The following CMTM4 variants were observed in gnomAD, a reference collection of about 807,000 sequenced individuals.
The protein encoded by CMTM4 is CKLF like MARVEL transmembrane domain containing 4.
In CMTM4, 8 loss-of-function variants were observed where a neutral mutation model predicts 19.0. The ratio of observed to expected loss-of-function variants is 0.42; its 90% CI spans 0.25 to 0.76. The LOEUF (loss-of-function observed/expected upper bound fraction) is 0.76. Among genes scored for constraint, CMTM4 ranks in the 30% least tolerant of loss-of-function variants. The pLI is 0.27. For synonymous variants in CMTM4, 106 were observed against 121.1 expected, an observed-to-expected ratio of 0.88 and a Z score of 0.82; for missense variants, 228 against 290.2, an observed-to-expected ratio of 0.79 and a Z score of 1.56.
chr16:66,603,615 G>T, the CMTM4 span, among the ~76,000 whole-genome samples: 2 of 152,230 alleles, frequency 1.3e-5, no homozygotes, highest in African/African-American at 4.8e-5. Flanking sequence ...AAAACATCTT[G>T]CCCTTGTTGG....
chr16:66,663,361 C>A (rs1256544172), intron 1 of CMTM4, among the ~76,000 whole-genome samples: 1 of 151,912 alleles, frequency 6.6e-6, no homozygotes, highest in Non-Finnish European at 1.5e-5. Context: ...CCAAGATTAG[C>A]CAGGCATGGT....
At chr16:66,685,852 C>G (rs1473516159) in intron 1 of CMTM4, among the ~76,000 whole-genome samples, 1 of 152,126 alleles carries the variant, frequency 6.6e-6, no homozygotes, top group African/African-American at 2.4e-5. Context: ...ACCACGTTAC[C>G]CAGGCTGGTC....
intron 1 of CMTM4, among the ~76,000 whole-genome samples, chr16:66,669,995 T>C (rs1034258190): frequency 3.4e-4 from 52 of 152,286 alleles, no homozygotes; most frequent in African/African-American, 1.1e-3. Context: ...ATTTTGCCAC[T>C]TAATCATGAA....
intron 1 of CMTM4, among the ~76,000 whole-genome samples, chr16:66,672,272 G>A (rs2016721868): frequency 6.6e-6 from 1 of 151,450 alleles, no homozygotes; most frequent in Non-Finnish European, 1.5e-5. Flanking sequence ...GGGTGTGGCA[G>A]TGTGCGCCTG....
At chr16:66,628,269 C>T (rs755782221) in intron 2 of CMTM4, among the ~76,000 whole-genome samples, 1 of 152,204 alleles carries the variant, frequency 6.6e-6, no homozygotes, top group African/African-American at 2.4e-5. Context: ...TGCAAGAGGC[C>T]TTCCTCTTTT....
At chr16:66,664,669 A>G (rs1394527847) in intron 1 of CMTM4, among the ~76,000 whole-genome samples, 1 of 152,154 alleles carries the variant, frequency 6.6e-6, no homozygotes. Flanking sequence ...AAAACTATAT[A>G]AAGAGATACT....
intron 1 of CMTM4, among the ~76,000 whole-genome samples, chr16:66,671,236 G>C (rs936486188): frequency 2.6e-5 from 4 of 152,146 alleles, no homozygotes; most frequent in African/African-American, 9.7e-5. Flanking sequence ...ATGAAGAATA[G>C]AAACAGGGAA....
chr16:66,646,961 C>A (rs1015927953), intron 1 of CMTM4, among the ~76,000 whole-genome samples: 7 of 151,612 alleles, frequency 4.6e-5, no homozygotes, highest in Non-Finnish European at 8.8e-5. Flanking sequence ...CCCACTTCGG[C>A]CTCCCAAAGT....
At chr16:66,604,977 G>C in the CMTM4 span, 2 of 1,467,336 alleles carry the variant, frequency 1.4e-6, no homozygotes, top group South Asian at 1.3e-5. Flanking sequence ...ACCCTCGGCC[G>C]CCCCGCTAGG....
chr16:66,694,100 GAAAAGAAA>G (rs2017187462), intron 1 of CMTM4, among the ~76,000 whole-genome samples: 1 of 151,584 alleles, frequency 6.6e-6, no homozygotes, highest in East Asian at 1.9e-4. Flanking sequence ...AAAGAGAAAA[GAAAAGAAA>G]AAAAGAAAAG....
At chr16:66,693,735 T>C (rs1336522376) in intron 1 of CMTM4, among the ~76,000 whole-genome samples, 1 of 152,060 alleles carries the variant, frequency 6.6e-6, no homozygotes, top group Non-Finnish European at 1.5e-5. Flanking sequence ...AAAGTACAAA[T>C]CTAGGCCAGG....
At chr16:66,633,983 A>G (rs2015935757) in intron 2 of CMTM4, among the ~76,000 whole-genome samples, 1 of 152,212 alleles carries the variant, frequency 6.6e-6, no homozygotes, top group Non-Finnish European at 1.5e-5. Context: ...ACACCCAACC[A>G]CAGGCCCAGG....
Position 66,617,983 on chromosome 16 carries a change from C to T in CMTM4, c.*4075G>A. Reference sequence around the variant, plus strand: ...TGAGCTGTCTAGTGCTGATAGCAGACAGGTGGGGTGTTCCAGGCCACTGCT... The same window carrying T: ...TGAGCTGTCTAGTGCTGATAGCAGATAGGTGGGGTGTTCCAGGCCACTGCT... On this transcript the variant is annotated 3_prime_UTR_variant, in exon 4 of 4. Transcript: ENST00000394106. The T allele has an allele frequency of 4.1e-6, 4 of 985,730 alleles. No homozygotes were observed. The highest frequency in any genetic ancestry group is 4.8e-6 in the Non-Finnish European group (4 of 830,162). 61.1% of individuals were successfully genotyped at this position (985,730 alleles called of 1,614,324 possible). A position where few individuals can be genotyped will look rare whatever the true frequency, so the allele number is the denominator to read the frequency against.
chr16:66,604,908 G>A, the CMTM4 span: 4 of 1,473,106 alleles, frequency 2.7e-6, no homozygotes, highest in Non-Finnish European at 3.6e-6. Context: ...GCCGGCGCGG[G>A]CTTTCCTCTG....
chr16:66,632,195 G>A (rs2015885650), intron 2 of CMTM4, among the ~76,000 whole-genome samples: 1 of 152,196 alleles, frequency 6.6e-6, no homozygotes, highest in Non-Finnish European at 1.5e-5. Context: ...AGGACAGAGT[G>A]CCCCATAGCA....
chr16:66,614,435 C>T (rs1000890741), downstream of CMTM4, among the ~76,000 whole-genome samples: 3 of 152,178 alleles, frequency 2.0e-5, no homozygotes, highest in Non-Finnish European at 2.9e-5. The surrounding 1 kb of genome is among the most constrained non-coding windows in gnomAD (Gnocchi z 4.9). Context: ...GGACTACAGC[C>T]CTGGAGGACC....
chr16:66,677,000 A>G (rs2016820461), intron 1 of CMTM4, among the ~76,000 whole-genome samples: 2 of 152,172 alleles, frequency 1.3e-5, no homozygotes, highest in African/African-American at 2.4e-5. Flanking sequence ...CTGTAATCCC[A>G]GTACTTTGGG....
intron 1 of CMTM4, among the ~76,000 whole-genome samples, chr16:66,640,081 T>C (rs1445445344): frequency 6.6e-6 from 1 of 151,012 alleles, no homozygotes; most frequent in African/African-American, 2.4e-5. Context: ...CCCAGCACTA[T>C]GGGAGGCCGA....
At chr16:66,629,908 G>A (rs1202897062) in intron 2 of CMTM4, among the ~76,000 whole-genome samples, 1 of 152,170 alleles carries the variant, frequency 6.6e-6, no homozygotes, top group Non-Finnish European at 1.5e-5. Flanking sequence ...AGGCCCTCCA[G>A]ACCTCACCCT....
Sources: gnomAD v4.1 joint callset for allele counts (sites outside exome capture counted in the v4.1 genomes callset) on GRCh38, gnomAD v4.1.1 for gene constraint, Gnocchi (gnomAD v3.1) non-coding constraint, MANE v1.5 for transcripts, NCBI Gene and HGNC (gene_info 2026-07-23, HGNC 2026-07-21) for gene names.